ADGRG5: variants seen among roughly 807,000 people sequenced by gnomAD.
ADGRG5 encodes G protein-coupled receptor 114.
ADGRG5 carries 37 observed loss-of-function variants against 53.2 expected under a neutral mutation model. The observed-to-expected ratio is 0.70, with a 90% confidence interval of 0.53 to 0.91. ADGRG5 has a LOEUF of 0.91. Among genes scored for constraint, ADGRG5 ranks in the 40% least tolerant of loss-of-function variants. The pLI is 0.00. For synonymous variants in ADGRG5, 277 were observed against 290.4 expected, an observed-to-expected ratio of 0.95 and a Z score of 0.47; for missense variants, 614 against 675.8, an observed-to-expected ratio of 0.91 and a Z score of 1.01.
chr16:57,546,509 A>G (rs2032624332), intron 1 of ADGRG5, among the ~76,000 whole-genome samples: 1 of 152,212 alleles, frequency 6.6e-6, no homozygotes. Context: ...GCTCTTGTCT[A>G]TTGTACATAT....
In ADGRG5 at chr16:57,575,461, T is replaced by C. The variant is rs758474054; in HGVS notation, c.1510T>C (p.Cys504Arg). 1 of 1,614,160 alleles carries C rather than the reference T, an allele frequency of 6.2e-7. No individual in the cohort carries two copies. The highest frequency in any genetic ancestry group is 8.5e-7 in the Non-Finnish European group (1 of 1,179,978). Residue 504 changes from cysteine to arginine, a missense_variant, in exon 12 of 12, where the codon TGC becomes CGC. By Grantham distance (180) the Cys-to-Arg change is radical (BLOSUM62 -3). Coordinates refer to ENST00000349457, the MANE Select transcript of ADGRG5 (RefSeq NM_001304376.3). ...AGGTTTCTTCCTTTTCCTGTGGTTCTGCTCCCAGCGGTGCCGCTCAGAAGC... is the reference window on the plus strand; with the variant it reads ...AGGTTTCTTCCTTTTCCTGTGGTTCCGCTCCCAGCGGTGCCGCTCAGAAGC... Reference protein sequence around the residue: ...LYGFFLFLWFCSQRCRSEAEA... With the variant: ...LYGFFLFLWFRSQRCRSEAEA...
At chr16:57,563,011 C>T in intron 3 of ADGRG5, 80 bp from the exon 4 acceptor site, 1 of 1,484,872 alleles carries the variant, frequency 6.7e-7, no homozygotes, top group Non-Finnish European at 9.3e-7. Context: ...AGGCCCTGCC[C>T]TCCCAGGCTG....
At chr16:57,540,874 T>C (rs1459218136), upstream of ADGRG5, among the ~76,000 whole-genome samples, 4 of 152,146 alleles carry the variant, frequency 2.6e-5, no homozygotes, top group Non-Finnish European at 5.9e-5. Context: ...CACTGCAACC[T>C]CCACCTCCCG....
At chr16:57,537,952 G>A (rs751800919), upstream of ADGRG5, among the ~76,000 whole-genome samples, 5 of 152,150 alleles carry the variant, frequency 3.3e-5, no homozygotes, top group Non-Finnish European at 5.9e-5. Flanking sequence ...GAGGCTCTTG[G>A]CTCAGACTTG....
the ADGRG5 span, among the ~76,000 whole-genome samples, chr16:57,537,363 A>C: frequency 3.9e-5 from 6 of 152,200 alleles, no homozygotes; most frequent in Admixed American, 2.0e-4. Flanking sequence ...TGGTGGGGAA[A>C]ACCTGGCCTG....
rs758839674 is a variant in ADGRG5 at position 57,574,581 on chromosome 16, CTG to C, written c.1209-231_1209-230del. On this transcript the variant is annotated intron_variant, in intron 10 of 11. Coordinates refer to ENST00000349457, the MANE Select transcript of ADGRG5 (RefSeq NM_001304376.3). The surrounding 1 kb of genome is among the most constrained non-coding windows in gnomAD (Gnocchi z 4.4). ...AGACATGGGGACGTGAGAGAAACCA[CTG>C]TGGCTGGAAAGGTGGGCATGAGGGA... Among the ~76,000 whole-genome samples, 20 of 152,226 alleles carry C rather than the reference CTG, an allele frequency of 1.3e-4. No individual in the cohort carries two copies. The highest frequency in any genetic ancestry group is 1.9e-4 in the Non-Finnish European group (13 of 68,036).
intron 1 of ADGRG5, among the ~76,000 whole-genome samples, chr16:57,557,143 C>T (rs2032903428): frequency 6.6e-6 from 1 of 152,060 alleles, no homozygotes; most frequent in South Asian, 2.1e-4. Context: ...CCCCTGGGCT[C>T]AAGCGATCTA....
At chr16:57,561,399 T>C (rs1348997060) in intron 1 of ADGRG5, among the ~76,000 whole-genome samples, 1 of 152,206 alleles carries the variant, frequency 6.6e-6, no homozygotes. Flanking sequence ...TCCTGTACCC[T>C]GTGTCTTCTT....
chr16:57,558,218 C>T (rs1472974302), intron 1 of ADGRG5, among the ~76,000 whole-genome samples: 1 of 152,192 alleles, frequency 6.6e-6, no homozygotes, highest in Admixed American at 6.5e-5. Context: ...ATCCTCCTGC[C>T]TTGGCCTCCC....
At chr16:57,566,803 T>G (rs1299356250) in intron 7 of ADGRG5, 52 bp downstream of exon 7, 1 of 1,368,138 alleles carries the variant, frequency 7.3e-7, no homozygotes, top group African/African-American at 1.5e-5. Flanking sequence ...CCTGTGTCTG[T>G]GGCAGAGGAG....
chr16:57,541,718 C>T (rs574758178), upstream of ADGRG5, among the ~76,000 whole-genome samples: 1 of 152,304 alleles, frequency 6.6e-6, no homozygotes, highest in East Asian at 1.9e-4. Flanking sequence ...TCAGTTTTCC[C>T]AGGAGTCTGG....
intron 1 of ADGRG5, among the ~76,000 whole-genome samples, chr16:57,557,725 T>G (rs917189964): frequency 2.0e-5 from 3 of 152,232 alleles, no homozygotes; most frequent in African/African-American, 7.2e-5. Flanking sequence ...AGTTCAAGGA[T>G]TGTTTACTTT....
In ADGRG5 at chr16:57,574,171, G is replaced by A. The variant is rs151289975; in HGVS notation, c.1209-644G>A. ...AAAGGGCAGAGGCCTCCGGGAGGGC[G>A]TGGGACCGGGGCTGGCTTCGGTTAG... On this transcript the variant is annotated intron_variant, in intron 10 of 11. Coordinates refer to ENST00000349457, the MANE Select transcript of ADGRG5 (RefSeq NM_001304376.3). This position sits in a 1 kb window ranked among gnomAD's most constrained non-coding sequence, Gnocchi z 4.4. Among the ~76,000 whole-genome samples the A allele has an allele frequency of 1.7e-3, 252 of 152,366 alleles. 2 individuals carry two copies. Among genetic ancestry groups the A allele is most frequent in the Non-Finnish European group, 2.9e-3 (200 of 68,044 alleles).
rs188717102 is a variant in ADGRG5 at position 57,571,045 on chromosome 16, G to A, written c.1208+510G>A. Among the ~76,000 whole-genome samples the A allele has an allele frequency of 3.5e-4, 53 of 151,788 alleles. No individual in the cohort carries two copies. The East Asian group carries it at 0.01, about 29-fold the overall frequency. On this transcript the variant is annotated intron_variant, in intron 10 of 11. Coordinates refer to ENST00000349457, the MANE Select transcript of ADGRG5 (RefSeq NM_001304376.3). ...TGGGCCTTTAGGGGCCGGGGGACAC[G>A]CTGCTGCTTTTTTTTTAATAGCCCC...
chr16:57,540,721 G>C (rs1567610260), upstream of ADGRG5, among the ~76,000 whole-genome samples: 1 of 152,172 alleles, frequency 6.6e-6, no homozygotes, highest in Non-Finnish European at 1.5e-5. Flanking sequence ...AGCACAATCA[G>C]ACTGGGTGGC....
At chr16:57,575,130 A>AG in intron 11 of ADGRG5, 38 bp downstream of exon 11, 1 of 1,586,104 alleles carries the variant, frequency 6.3e-7, no homozygotes, top group East Asian at 2.2e-5. Flanking sequence ...GCTACCTGGC[A>AG]GGGGGTGTAT....
In ADGRG5 at chr16:57,574,690, T is replaced by C. The variant is rs1407133437; in HGVS notation, c.1209-125T>C. Reference sequence around the variant, plus strand: ...AAGCCGGGTGAGGGGTTTCACTGTGTGTTCAGTCAGGCAAGAAACAATAGG... The same window carrying C: ...AAGCCGGGTGAGGGGTTTCACTGTGCGTTCAGTCAGGCAAGAAACAATAGG... On this transcript the variant is annotated intron_variant, in intron 10 of 11. Transcript: ENST00000349457. The surrounding 1 kb of genome is among the most constrained non-coding windows in gnomAD (Gnocchi z 4.4). 9 of 1,050,016 alleles carry C rather than the reference T, an allele frequency of 8.6e-6. No homozygotes were observed. The highest frequency in any genetic ancestry group is 1.1e-5 in the Non-Finnish European group (8 of 748,620). The allele number at this position is 1,050,016 out of a possible 1,614,324, so 65.0% of individuals were successfully genotyped here.
At chr16:57,554,289 A>G (rs1425395755) in intron 1 of ADGRG5, among the ~76,000 whole-genome samples, 1 of 151,794 alleles carries the variant, frequency 6.6e-6, no homozygotes, top group African/African-American at 2.4e-5. Context: ...ACTTATCAAT[A>G]TTATTGAGGT....
rs2033318824 is a variant in ADGRG5, at chr16:57,570,434, G to A, written c.1107G>A (p.Leu369=). The A allele has an allele frequency of 6.2e-7, 1 of 1,612,544 alleles. No individual in the cohort carries two copies. Among genetic ancestry groups the A allele is most frequent in the Non-Finnish European group, 8.5e-7 (1 of 1,179,842 alleles). ...ACCCCTCAGGGGCCCCAGCCCTCCT[G>A]GTGCTGCTTTCCCTCTCTGTCAAGA... The part of the protein sequence containing the change: ...GVLGWGAPAL[L]VLLSLSVKSS... The change falls in exon 10 of 12, where the codon CTG becomes CTA. Residue 369 remains leucine (L), a synonymous_variant. Transcript: ENST00000349457.
Sources: allele counts gnomAD v4.1 joint callset (sites outside exome capture counted in the v4.1 genomes callset), GRCh38; gene constraint gnomAD v4.1.1; non-coding constraint Gnocchi (gnomAD v3.1); transcripts MANE v1.5; gene names NCBI Gene and HGNC (gene_info 2026-07-23, HGNC 2026-07-21).